The following DGKH variants were observed in gnomAD, a reference collection of about 807,000 sequenced individuals.
DGKH encodes DAG kinase eta.
DGKH carries 90 observed loss-of-function variants against 159.3 expected under a neutral mutation model. The ratio of observed to expected loss-of-function variants is 0.57; its 90% CI spans 0.48 to 0.67. The LOEUF (loss-of-function observed/expected upper bound fraction) is 0.67, where lower values mean the gene tolerates loss of function less well. Ranked by LOEUF, DGKH falls within the 30% of genes least tolerant of loss-of-function variation. The probability of loss-of-function intolerance (pLI) is 0.00; values close to 1 mark genes in which losing one functional copy is unlikely to be tolerated. For synonymous variants in DGKH, 536 were observed against 553.8 expected (o/e 0.97, Z 0.45); for missense variants, 1,181 against 1,506.1 (o/e 0.78, Z 3.57).
intron 1 of DGKH, among the ~76,000 whole-genome samples, chr13:42,097,558 C>T (rs750053336): frequency 9.2e-5 from 14 of 152,152 alleles, no homozygotes; most frequent in Admixed American, 4.6e-4. Flanking sequence ...CCCCAGATGC[C>T]GGCAACTGGG....
chr13:42,048,044 T>G (rs1880922995), upstream of DGKH, among the ~76,000 whole-genome samples: 3 of 132,864 alleles, frequency 2.3e-5, no homozygotes, highest in Admixed American at 1.8e-4. The surrounding 1 kb of genome is among the most constrained non-coding windows in gnomAD (Gnocchi z 6.7). Context: ...GGCCAGAAAC[T>G]GAACGCCGCC....
intron 1 of DGKH, among the ~76,000 whole-genome samples, chr13:42,105,211 G>A (rs534845673): frequency 6.6e-6 from 1 of 152,252 alleles, no homozygotes; most frequent in Admixed American, 6.5e-5. Flanking sequence ...CCTTCTTGCT[G>A]TGACATCCCA....
chr13:42,069,451 TCAA>T (rs1384495864), intron 1 of DGKH: 2 of 1,551,592 alleles, frequency 1.3e-6, no homozygotes, highest in African/African-American at 1.4e-5. Flanking sequence ...ATTTAATTTA[TCAA>T]CAACATCAGT....
intron 17 of DGKH, among the ~76,000 whole-genome samples, chr13:42,197,066 A>G (rs1218788967): frequency 1.3e-5 from 2 of 152,054 alleles, no homozygotes; most frequent in Non-Finnish European, 2.9e-5. Context: ...CCTGGCTAAC[A>G]TGGTGAAACC....
Position 42,210,697 on chromosome 13 carries a change from T to G in DGKH, c.2946T>G (p.Ile982Met), listed in dbSNP as rs747335283. 3.7e-6 allele frequency: 6 copies of G among 1,612,102 alleles called. No homozygotes were observed. The highest frequency in any genetic ancestry group is 4.2e-6 in the Non-Finnish European group (5 of 1,179,948). ...CCCATTTGTACATCCATCACGCCAT[T>G]GACTTGGCAACAGAAGAGGTGTCGC... ...LRTHLYIHHA[I>M]DLATEEVSQM... Residue 982 changes from isoleucine to methionine, a missense_variant, in exon 24 of 30, where the codon ATT becomes ATG. Transcript: ENST00000337343.
Position 42,190,519 on chromosome 13 carries a change from A to T in DGKH, c.2029A>T (p.Ile677Leu). 6.3e-7 allele frequency: 1 copy of T among 1,582,982 alleles called. No homozygotes were observed. Among genetic ancestry groups the T allele is most frequent in the Non-Finnish European group, 8.5e-7 (1 of 1,169,966 alleles). Residue 677 changes from isoleucine (I) to leucine (L), a missense_variant, in exon 16 of 30, where the codon ATA (isoleucine) becomes TTA (leucine). This residue lies in a region of DGKH where 257 missense variants were observed against 281.5 expected (regional missense o/e 0.91). Transcript: ENST00000337343. ...EAKDDGAKESITVKTAPRSPD... is the reference protein window; with the variant it reads ...EAKDDGAKESLTVKTAPRSPD... ...TAAAGATGATGGTGCCAAAGAATCA[A>T]TAACTGGTGAGGAAACTGGGAAAAA... is the stretch of plus-strand genomic sequence containing the variant.
chr13:42,237,218 A>G lies in DGKH; in HGVS notation c.*8030A>G, dbSNP rs567488922. The stretch of plus-strand genomic sequence containing the variant: ...CTTAATGTGAAGCAGGGGTTTACCA[A>G]AGAAAATTGCTTTAATAAGCCCTAA... On this transcript the variant is annotated 3_prime_UTR_variant, in exon 30 of 30. Transcript: ENST00000337343. The G allele has an allele frequency of 6.6e-6, 1 of 152,250 alleles. No individual in the cohort carries two copies. The highest frequency in any genetic ancestry group is 1.5e-5 in the Non-Finnish European group (1 of 68,052). The allele number at this position is 152,250 out of a possible 1,614,324, so 9.4% of individuals were successfully genotyped here.
intron 13 of DGKH, among the ~76,000 whole-genome samples, chr13:42,179,824 G>A (rs182109908): frequency 7.9e-5 from 12 of 151,026 alleles, no homozygotes; most frequent in Non-Finnish European, 1.5e-4. Context: ...GGTTTCCACT[G>A]CCAAAAATGT....
rs767976755 is a variant in DGKH at position 42,168,769 on chromosome 13, C to A, written c.1318C>A (p.Pro440Thr). The A allele has an allele frequency of 6.2e-7, 1 of 1,614,086 alleles. No homozygotes were observed. ...TTCATATGACGATGACACCCAACTT[C>A]CTCAGATCCTAGAGAAACTGGAACG... ...GGSYDDDTQL[P>T]QILEKLERAS... The change falls in exon 11 of 30, where the codon CCT becomes ACT. Residue 440 changes from proline (P) to threonine (T), a missense_variant. Physicochemically the swap from Pro to Thr is conservative, Grantham distance 38. Around this residue, in one of 5 missense-constraint regions of DGKH, gnomAD observed 369 missense variants for 519.4 expected, o/e 0.71. Transcript: ENST00000337343.
intron 1 of DGKH, among the ~76,000 whole-genome samples, chr13:42,114,637 A>G (rs1288793170): frequency 6.6e-6 from 1 of 152,232 alleles, no homozygotes; most frequent in African/African-American, 2.4e-5. Context: ...TTCACTGGTA[A>G]ACAAGATAAG....
At chr13:42,167,242 T>C (rs1041918229) in intron 9 of DGKH, among the ~76,000 whole-genome samples, 10 of 152,330 alleles carry the variant, frequency 6.6e-5, no homozygotes, top group South Asian at 2.1e-4. Flanking sequence ...GCACTTTCAA[T>C]ACATTTTTAG....
chr13:42,179,780 C>CA (rs3039209), intron 13 of DGKH, among the ~76,000 whole-genome samples: 61,475 of 129,314 alleles, frequency 0.48, 14,843 homozygotes, highest in Non-Finnish European at 0.57. Context: ...GATCTTGTCT[C>CA]AAAAAAAAAA....
At chr13:42,256,051 G>A (rs369163422) in intron 30 of DGKH, 5 of 1,412,374 alleles carry the variant, frequency 3.5e-6, no homozygotes, top group African/African-American at 2.8e-5. Flanking sequence ...CTGGCCCTTG[G>A]TCAGGTCTGG....
chr13:42,111,917 T>A (rs1181745578), intron 1 of DGKH, among the ~76,000 whole-genome samples: 1 of 152,190 alleles, frequency 6.6e-6, no homozygotes, highest in Non-Finnish European at 1.5e-5. Context: ...CCATTTTTTT[T>A]ATACCTGGGT....
chr13:42,169,195 G>A (rs1009037278), intron 11 of DGKH, among the ~76,000 whole-genome samples: 2 of 152,100 alleles, frequency 1.3e-5, no homozygotes, highest in Non-Finnish European at 2.9e-5. Flanking sequence ...GTCATTGTAT[G>A]GTTTCCAAAA....
At chr13:42,216,739 A>G (rs1957806211) in intron 26 of DGKH, 1 of 152,340 alleles carries the variant, frequency 6.6e-6, no homozygotes, top group East Asian at 1.9e-4. Context: ...TGGCTCTACT[A>G]TGGCCATGAA....
chr13:42,076,036 C>A (rs906178180), intron 1 of DGKH, among the ~76,000 whole-genome samples: 1 of 152,076 alleles, frequency 6.6e-6, no homozygotes, highest in Admixed American at 6.6e-5. Context: ...GGGATTGTTG[C>A]GTGTAATCCT....
In DGKH at chr13:42,198,475, C is replaced by T; in HGVS notation, c.2168-3C>T. On this transcript the variant is annotated splice_polypyrimidine_tract_variant and splice_region_variant and intron_variant, in intron 17 of 29. Coordinates refer to ENST00000337343, the MANE Select transcript of DGKH (RefSeq NM_178009.5). ...TCCCATATGTGTTTGCTTTTCTTTC[C>T]AGGTTTAAGAGCAGGACTGGCTGCC... 6.2e-7 allele frequency: 1 copy of T among 1,611,174 alleles called. No individual in the cohort carries two copies. Among genetic ancestry groups the T allele is most frequent in the Non-Finnish European group, 8.5e-7 (1 of 1,178,876 alleles).
At position 42,166,589 on chromosome 13, in the gene DGKH, C is replaced by T; in HGVS notation, c.1033C>T (p.Gln345Ter). 6.2e-7 allele frequency: 1 copy of T among 1,609,422 alleles called. No individual in the cohort carries two copies. Among genetic ancestry groups the T allele is most frequent in the Non-Finnish European group, 8.5e-7 (1 of 1,178,032 alleles). ...VFVNSKSGDNQGVKFLRRFKQ... is the reference protein window; with the variant it reads ...VFVNSKSGDN The stretch of plus-strand genomic sequence containing the variant: ...TGTCAATTCTAAGAGTGGAGATAAT[C>T]AGGGAGTAAAGTTCCTCCGTCGCTT... Residue 345 changes from glutamine (Q) to a stop codon, truncating the protein, a stop_gained, in exon 9 of 30, where the codon CAG becomes TAG. Coordinates refer to ENST00000337343, the MANE Select transcript of DGKH (RefSeq NM_178009.5). LOFTEE classifies it high-confidence loss of function.
Sources: gnomAD v4.1 joint callset for allele counts (sites outside exome capture counted in the v4.1 genomes callset) on GRCh38, gnomAD v4.1.1 for gene constraint, gnomAD v4.1.1 regional missense constraint, Gnocchi (gnomAD v3.1) non-coding constraint, MANE v1.5 for transcripts, NCBI Gene and HGNC (gene_info 2026-07-23, HGNC 2026-07-21) for gene names.